Variants in NHLRC3 observed in about 807,000 individuals in gnomAD.
NHLRC3 encodes NHL repeat-containing protein 3.
A neutral mutation model predicts 32.0 loss-of-function variants in NHLRC3; 23 were observed. That is an observed-to-expected ratio of 0.72 (90% CI 0.52 to 1.02). NHLRC3 has a LOEUF of 1.02. Among genes scored for constraint, NHLRC3 ranks in the 50% least tolerant of loss-of-function variants. The pLI is 0.00. For missense variants in NHLRC3, 407 were observed against 406.8 expected (o/e 1.00, Z -0.01); for synonymous variants, 159 against 147.9 (o/e 1.08, Z -0.55).
chr13:39,041,863 G>C (rs906186596), intron 3 of NHLRC3: 4 of 434,576 alleles, frequency 9.2e-6, no homozygotes, highest in Non-Finnish European at 1.6e-5. Flanking sequence ...CAATTATGGG[G>C]ATGTTATTTA....
At chr13:39,041,995 C>A (rs965418886) in intron 3 of NHLRC3, 110 bp from the exon 4 acceptor site, 5 of 637,006 alleles carry the variant, frequency 7.8e-6, no homozygotes, top group Non-Finnish European at 1.4e-5. Flanking sequence ...AAGCCTATCA[C>A]CTATTTGTTA....
upstream of NHLRC3, chr13:39,038,434 G>C: frequency 1.7e-6 from 1 of 592,252 alleles, no homozygotes; most frequent in Non-Finnish European, 3.0e-6. Flanking sequence ...ACGAAGTCCG[G>C]AACTGGTCTT....
chr13:39,046,442 A>AT (rs1234535432), intron 5 of NHLRC3, among the ~76,000 whole-genome samples: 1 of 152,240 alleles, frequency 6.6e-6, no homozygotes, highest in East Asian at 1.9e-4. Context: ...ATTACAGCCT[A>AT]TAACAAACCT....
chr13:39,046,657 C>T (rs986249182), intron 5 of NHLRC3, among the ~76,000 whole-genome samples: 1 of 152,172 alleles, frequency 6.6e-6, no homozygotes, highest in Admixed American at 6.5e-5. Context: ...CAGGAGCTGA[C>T]AAGCCAGTAG....
At chr13:39,038,985 C>T (rs1871329651) in intron 1 of NHLRC3, 151 bp from the exon 2 acceptor site, 1 of 672,918 alleles carries the variant, frequency 1.5e-6, no homozygotes. Context: ...CTTTAGGCAT[C>T]TAAGCTCATT....
chr13:39,038,665 C>T lies in NHLRC3; in HGVS notation c.26C>T (p.Ala9Val), dbSNP rs998902595. The T allele has an allele frequency of 6.2e-7, 1 of 1,614,076 alleles. No individual in the cohort carries two copies. Among genetic ancestry groups the T allele is most frequent in the African/African-American group, 1.3e-5 (1 of 74,936 alleles). ...ATGGCGAGATTCTGGGTCTGCGTAG[C>T]CGGTGCTGGCTTCTTTCTTGCATTT... MARFWVCV[A>V]GAGFFLAFLV... Residue 9 changes from alanine to valine, a missense_variant, in exon 1 of 7, where the codon GCC (alanine) becomes GTC (valine). By Grantham distance (64) the Ala-to-Val change is moderately conservative (BLOSUM62 0). Coordinates refer to ENST00000379600, the MANE Select transcript of NHLRC3 (RefSeq NM_001012754.4).
chr13:39,044,385 T>TA, intron 5 of NHLRC3: 1 of 521,686 alleles, frequency 1.9e-6, no homozygotes, highest in Non-Finnish European at 3.4e-6. Context: ...CATACTTTCT[T>TA]ACAAGTGTTT....
chr13:39,043,686 G>A (rs1204634936), intron 4 of NHLRC3, among the ~76,000 whole-genome samples: 1 of 152,152 alleles, frequency 6.6e-6, no homozygotes, highest in Non-Finnish European at 1.5e-5. Context: ...GACCACAGTT[G>A]AACCCACCGT....
intron 5 of NHLRC3, among the ~76,000 whole-genome samples, chr13:39,044,788 T>G (rs1295447268): frequency 6.6e-6 from 1 of 152,220 alleles, no homozygotes; most frequent in Non-Finnish European, 1.5e-5. Flanking sequence ...TAGATCTCAC[T>G]TCTTTGAGGT....
chr13:39,040,775 G>A (rs1593550512), intron 3 of NHLRC3: 1 of 152,302 alleles, frequency 6.6e-6, no homozygotes, highest in Non-Finnish European at 1.5e-5. Context: ...ATTTTTTAGA[G>A]ATAATGAGTT....
intron 5 of NHLRC3, among the ~76,000 whole-genome samples, chr13:39,046,527 C>T (rs1375194736): frequency 6.6e-6 from 1 of 152,198 alleles, no homozygotes; most frequent in Non-Finnish European, 1.5e-5. Context: ...GCACTCTGTA[C>T]ATACCTTGGT....
At chr13:39,044,227 GTT>G (rs1183618373) in intron 5 of NHLRC3, 46 bp downstream of exon 5, 1 of 1,055,280 alleles carries the variant, frequency 9.5e-7, no homozygotes, top group Non-Finnish European at 1.4e-6. Context: ...GTCTGAATAT[GTT>G]TGTGTGTGTG....
At chr13:39,041,663 T>C (rs2138151881) in intron 3 of NHLRC3, 1 of 154,828 alleles carries the variant, frequency 6.5e-6, no homozygotes, top group East Asian at 1.9e-4. Context: ...AGAGAACGTT[T>C]TTGTTGACTT....
In NHLRC3 at chr13:39,049,571, T is replaced by A. The variant is rs1269723606; in HGVS notation, c.*1645T>A. ...TCTAAATGTGCTATTTATTTGACAA[T>A]AACTATCAGATTTGCCTTAATTTTG... On this transcript the variant is annotated 3_prime_UTR_variant, in exon 7 of 7. Coordinates refer to ENST00000379600, the MANE Select transcript of NHLRC3 (RefSeq NM_001012754.4). The A allele has an allele frequency of 2.0e-5, 3 of 152,230 alleles. No homozygotes were observed. Among genetic ancestry groups the A allele is most frequent in the Non-Finnish European group, 2.9e-5 (2 of 68,024 alleles). The allele number at this position is 152,230 out of a possible 1,614,324, so 9.4% of individuals were successfully genotyped here.
intron 5 of NHLRC3, among the ~76,000 whole-genome samples, chr13:39,044,826 A>G (rs1373593982): frequency 6.6e-6 from 1 of 152,174 alleles, no homozygotes; most frequent in Admixed American, 6.5e-5. Context: ...ACCGCCACCA[A>G]AAAATTTGTA....
intron 1 of NHLRC3, 58 bp from the exon 2 acceptor site, chr13:39,039,078 C>G: frequency 1.2e-5 from 12 of 1,038,050 alleles, no homozygotes; most frequent in East Asian, 5.2e-5. Flanking sequence ...CCCCCCCGCC[C>G]TTTTTTTGTT....
intron 1 of NHLRC3, 127 bp downstream of exon 1, chr13:39,038,850 T>G (rs1230633091): frequency 8.3e-6 from 7 of 840,840 alleles, no homozygotes; most frequent in Non-Finnish European, 1.0e-5. Context: ...AGCCTGCACC[T>G]GGGTCCAAAC....
At chr13:39,045,366 A>G (rs1044185061) in intron 5 of NHLRC3, among the ~76,000 whole-genome samples, 6 of 152,204 alleles carry the variant, frequency 3.9e-5, no homozygotes, top group Non-Finnish European at 8.8e-5. Flanking sequence ...AGGTAAATTC[A>G]TCATGGTGAG....
In NHLRC3 at chr13:39,042,175, CA is replaced by C; in HGVS notation, c.462del (p.Gly155AlafsTer4). 1.2e-6 allele frequency: 2 copies of C among 1,611,460 alleles called. No individual in the cohort carries two copies. The highest frequency in any genetic ancestry group is 1.7e-6 in the Non-Finnish European group (2 of 1,177,972). On this transcript the variant is annotated frameshift_variant, in exon 4 of 7. Transcript: ENST00000379600. LOFTEE classifies it high-confidence loss of function. ...TTGTTCAAGTCTTGGGTACTCCAGGCAAAAAAGGCACTAGTTTGAATCCTTT... is the reference window on the plus strand; with the variant it reads ...TTGTTCAAGTCTTGGGTACTCCAGGCAAAAAGGCACTAGTTTGAATCCTTT... Reference protein sequence around the residue: ...DLVQVLGTPGKKGTSLNPLQF... With the variant: ...DLVQVLGTPGXKGTSLNPLQF...
Sources: allele counts gnomAD v4.1 joint callset (sites outside exome capture counted in the v4.1 genomes callset), GRCh38; gene constraint gnomAD v4.1.1; transcripts MANE v1.5; gene names NCBI Gene and HGNC (gene_info 2026-07-23, HGNC 2026-07-21).